GIMAP5: variants seen among roughly 807,000 people sequenced by gnomAD.
GIMAP5 encodes GTPase, IMAP family member 5.
In GIMAP5, 8 loss-of-function variants were observed where a neutral mutation model predicts 9.9. The observed-to-expected ratio is 0.81, with a 90% confidence interval of 0.47 to 1.45. GIMAP5 has a LOEUF of 1.45. GIMAP5 is among the 40% of genes most tolerant of loss of function. The pLI, the probability that GIMAP5 is intolerant of heterozygous loss-of-function variation, is 0.00. For synonymous variants in GIMAP5, 174 were observed against 151.4 expected (o/e 1.15, Z -1.09); for missense variants, 353 against 367.4 (o/e 0.96, Z 0.32).
At chr7:150,740,300 G>C (rs113558687) in intron 1 of GIMAP5, 1 of 152,350 alleles carries the variant, frequency 6.6e-6, no homozygotes, top group East Asian at 1.9e-4. Flanking sequence ...CGGTCATACC[G>C]GTCCCCCTAT....
rs1261447710 is a variant in GIMAP5 at position 150,737,579 on chromosome 7, G to A, written c.-136G>A. The A allele has an allele frequency of 1.3e-6, 2 of 1,535,622 alleles. No individual in the cohort carries two copies. The highest frequency in any genetic ancestry group is 2.4e-5 in the South Asian group (2 of 84,054). Reference sequence around the variant, plus strand: ...TCTGCTCAACCTCCCTCAGCCCTGTGAACAGCATCCCCGCACACAGACGCA... The same window carrying A: ...TCTGCTCAACCTCCCTCAGCCCTGTAAACAGCATCCCCGCACACAGACGCA... On this transcript the variant is annotated 5_prime_UTR_variant, in exon 1 of 3. The change abolishes the stop of an existing upstream ORF in the 5' untranslated region. Coordinates refer to ENST00000358647, the MANE Select transcript of GIMAP5 (RefSeq NM_018384.5).
In GIMAP5 at chr7:150,743,177, T is replaced by C; in HGVS notation, c.*114T>C. Reference sequence around the variant, plus strand: ...TATGGAGCATGCTGCTTGCTGTCTGTGCAGCTCCCATTTCCCCTTCTTCCT... The same window carrying C: ...TATGGAGCATGCTGCTTGCTGTCTGCGCAGCTCCCATTTCCCCTTCTTCCT... On this transcript the variant is annotated 3_prime_UTR_variant, in exon 3 of 3. Transcript: ENST00000358647. The C allele has an allele frequency of 5.3e-6, 7 of 1,328,078 alleles. No homozygotes were observed. The South Asian group carries it at 1.0e-4, about 20-fold the overall frequency. 82.3% of individuals were successfully genotyped at this position (1,328,078 alleles called of 1,614,324 possible). A position where few individuals can be genotyped will look rare whatever the true frequency, so the allele number is the denominator to read the frequency against.
rs776825281 is a variant in GIMAP5 at position 150,742,553 on chromosome 7, T to C, written c.414T>C (p.Phe138=). 1 of 1,614,140 alleles carries C rather than the reference T, an allele frequency of 6.2e-7. No homozygotes were observed. Among genetic ancestry groups the C allele is most frequent in the South Asian group, 1.1e-5 (1 of 91,076 alleles). ...CCATCAGGAAGGTGAAAGAGGTCTT[T>C]GGGACAGGGGCCATGAGACATGTGG... ...TVAIRKVKEV[F]GTGAMRHVVI... is the part of the protein sequence containing the mutation. The change falls in exon 3 of 3, where the codon TTT becomes TTC. Residue 138 remains phenylalanine, a synonymous_variant. Coordinates refer to ENST00000358647, the MANE Select transcript of GIMAP5 (RefSeq NM_018384.5).
intron 1 of GIMAP5, 169 bp downstream of exon 1, chr7:150,737,877 C>T (rs1797539569): frequency 3.2e-6 from 2 of 621,222 alleles, no homozygotes; most frequent in Non-Finnish European, 5.7e-6. Context: ...TCAGCAGGTG[C>T]ACAGCTGGTG....
rs756285302 is a variant in GIMAP5 at position 150,742,413 on chromosome 7, G to A, written c.274G>A (p.Asp92Asn). ...DTPSIFESQA[D>N]TQELYKNIGD... ...GCCCTCCATCTTTGAGTCACAGGCCGATACCCAAGAGCTGTACAAGAACAT... is the reference window on the plus strand; with the variant it reads ...GCCCTCCATCTTTGAGTCACAGGCCAATACCCAAGAGCTGTACAAGAACAT... Residue 92 changes from aspartate (D) to asparagine (N), a missense_variant, in exon 3 of 3, where the codon GAT (aspartate) becomes AAT (asparagine). By Grantham distance (23) the Asp-to-Asn change is conservative. Coordinates refer to ENST00000358647, the MANE Select transcript of GIMAP5 (RefSeq NM_018384.5). 1.4e-5 allele frequency: 23 copies of A among 1,614,036 alleles called. No individual in the cohort carries two copies. The highest frequency in any genetic ancestry group is 1.9e-5 in the Non-Finnish European group (23 of 1,180,004).
At position 150,742,974 on chromosome 7, in the gene GIMAP5, A is replaced by G. The variant is rs1306287683; in HGVS notation, c.835A>G (p.Met279Val). 1 of 1,614,172 alleles carries G rather than the reference A, an allele frequency of 6.2e-7. No homozygotes were observed. The highest frequency in any genetic ancestry group is 8.5e-7 in the Non-Finnish European group (1 of 1,180,004). The change falls in exon 3 of 3, where the codon ATG (methionine) becomes GTG (valine). Residue 279 changes from methionine (M) to valine (V), a missense_variant. Physicochemically the swap from Met to Val is conservative, Grantham distance 21. Coordinates refer to ENST00000358647, the MANE Select transcript of GIMAP5 (RefSeq NM_018384.5). ...GGCGCTCCTCAGAGTCAAACACTTG[A>G]TGCTTTTGCATTATGAGATTTTTGT... ...YKALLRVKHLMLLHYEIFVFL... is the reference protein window; with the variant it reads ...YKALLRVKHLVLLHYEIFVFL...
At position 150,743,252 on chromosome 7, in the gene GIMAP5, A is replaced by G. The variant is rs1797632344; in HGVS notation, c.*189A>G. 1.5e-6 allele frequency: 1 copy of G among 681,542 alleles called. No homozygotes were observed. Among genetic ancestry groups the G allele is most frequent in the East Asian group, 2.8e-5 (1 of 35,656 alleles). 42.2% of individuals were successfully genotyped at this position (681,542 alleles called of 1,614,324 possible). ...CACTCCAAGGCTGCCTGCCTGCTGT[A>G]AACACTATTCCACTCTGTCTGCCAA... On this transcript the variant is annotated 3_prime_UTR_variant, in exon 3 of 3. Coordinates refer to ENST00000358647, the MANE Select transcript of GIMAP5 (RefSeq NM_018384.5).
intron 2 of GIMAP5, among the ~76,000 whole-genome samples, 193 bp downstream of exon 2, chr7:150,741,120 T>C (rs1243313439): frequency 6.6e-6 from 1 of 152,048 alleles, no homozygotes; most frequent in East Asian, 1.9e-4. Flanking sequence ...CACCATAGTG[T>C]GATGCTCTCC....
rs1316554223 is a variant in GIMAP5 at position 150,743,103 on chromosome 7, G to A, written c.*40G>A. The A allele has an allele frequency of 1.3e-6, 2 of 1,560,562 alleles. No individual in the cohort carries two copies. The highest frequency in any genetic ancestry group is 1.7e-6 in the Non-Finnish European group (2 of 1,154,328). ...GAGCACTTCTAATGTATCACCCCATGGAGTCATTGTTCTAATAATCACCAA... is the reference window on the plus strand; with the variant it reads ...GAGCACTTCTAATGTATCACCCCATAGAGTCATTGTTCTAATAATCACCAA... On this transcript the variant is annotated 3_prime_UTR_variant, in exon 3 of 3. Coordinates refer to ENST00000358647, the MANE Select transcript of GIMAP5 (RefSeq NM_018384.5).
chr7:150,740,921 G>T lies in GIMAP5; in HGVS notation c.37G>T (p.Ala13Ser), dbSNP rs755961995. Residue 13 changes from alanine (A) to serine (S), a missense_variant, in exon 2 of 3, where the codon GCT (alanine) becomes TCT (serine). Ala to Ser is a moderately conservative substitution (Grantham distance 99, BLOSUM62 1). Coordinates refer to ENST00000358647, the MANE Select transcript of GIMAP5 (RefSeq NM_018384.5). ...CCAGAGGGGCAAATATGGAACTATG[G>T]CTGAAGGTAAGAAAGTCTTGAAGTT... Reference protein sequence around the residue: ...GFQRGKYGTMAEGRSEDNLSA... With the variant: ...GFQRGKYGTMSEGRSEDNLSA... 1 of 1,614,072 alleles carries T rather than the reference G, an allele frequency of 6.2e-7. No individual in the cohort carries two copies. Among genetic ancestry groups the T allele is most frequent in the Non-Finnish European group, 8.5e-7 (1 of 1,179,974 alleles).
In GIMAP5 at chr7:150,742,513, C is replaced by T. The variant is rs1358276636; in HGVS notation, c.374C>T (p.Ala125Val). Reference protein sequence around the residue: ...LLVIQLGRFTAQDTVAIRKVK... With the variant: ...LLVIQLGRFTVQDTVAIRKVK... Reference sequence around the variant, plus strand: ...GTGATCCAGCTGGGGCGTTTCACTGCTCAGGACACAGTGGCCATCAGGAAG... The same window carrying T: ...GTGATCCAGCTGGGGCGTTTCACTGTTCAGGACACAGTGGCCATCAGGAAG... Residue 125 changes from alanine to valine, a missense_variant, in exon 3 of 3, where the codon GCT becomes GTT. Coordinates refer to ENST00000358647, the MANE Select transcript of GIMAP5 (RefSeq NM_018384.5). 6.2e-7 allele frequency: 1 copy of T among 1,614,078 alleles called. No homozygotes were observed. Among genetic ancestry groups the T allele is most frequent in the Non-Finnish European group, 8.5e-7 (1 of 1,180,044 alleles).
Position 150,742,391 on chromosome 7 carries a change from C to G in GIMAP5, c.252C>G (p.Pro84=), listed in dbSNP as rs765075238. 27 of 1,613,984 alleles carry G rather than the reference C, an allele frequency of 1.7e-5. No individual in the cohort carries two copies. Among genetic ancestry groups the G allele is most frequent in the Admixed American group, 1.5e-4 (9 of 59,996 alleles). Residue 84 remains proline (P), a synonymous_variant, in exon 3 of 3, where the codon CCC becomes CCG. Transcript: ENST00000358647. ...GGAAAGTCCTGGTGGTTGACACGCC[C>G]TCCATCTTTGAGTCACAGGCCGATA... ...NGRKVLVVDT[P]SIFESQADTQ...
At position 150,742,849 on chromosome 7, in the gene GIMAP5, C is replaced by A. The variant is rs1309750936; in HGVS notation, c.710C>A (p.Ala237Asp). 6.2e-7 allele frequency: 1 copy of A among 1,614,080 alleles called. No homozygotes were observed. Among genetic ancestry groups the A allele is most frequent in the Non-Finnish European group, 8.5e-7 (1 of 1,180,010 alleles). The change falls in exon 3 of 3, where the codon GCC (alanine) becomes GAC (aspartate). Residue 237 changes from alanine to aspartate, a missense_variant. Ala to Asp is a moderately radical substitution (Grantham distance 126). Transcript: ENST00000358647. ...AQLLQRTGAG[A>D]CQEDYRQYQA... The stretch of plus-strand genomic sequence containing the variant: ...CTGCTCCAAAGAACTGGAGCTGGGG[C>A]CTGCCAGGAAGACTACAGGCAGTAC...
Position 150,742,164 on chromosome 7 carries a change from A to G in GIMAP5, c.44-19A>G. On this transcript the variant is annotated intron_variant, in intron 2 of 2. Transcript: ENST00000358647. The stretch of plus-strand genomic sequence containing the variant: ...AAGAATCATTAACTTAGTAAGATAC[A>G]AAACTTCGTTTTCTACAGGTAGATC... The G allele has an allele frequency of 3.7e-6, 6 of 1,606,178 alleles. No individual in the cohort carries two copies. Among genetic ancestry groups the G allele is most frequent in the Non-Finnish European group, 5.1e-6 (6 of 1,174,786 alleles).
chr7:150,738,040 G>A (rs1188913074), intron 1 of GIMAP5: 2 of 328,562 alleles, frequency 6.1e-6, no homozygotes, highest in East Asian at 1.4e-4. Context: ...GGGACAGATG[G>A]GAGAACTGAA....
chr7:150,742,925 G>A lies in GIMAP5; in HGVS notation c.786G>A (p.Glu262=), dbSNP rs893104714. The change falls in exon 3 of 3, where the codon GAG becomes GAA. Residue 262 remains glutamate (E), a synonymous_variant. Transcript: ENST00000358647. ...AGAAGCACAAGCAAGAGCTGAGGGA[G>A]AACGAGAGTAACTGGGCATACAAGG... is the stretch of plus-strand genomic sequence containing the variant. ...QVEKHKQELR[E]NESNWAYKAL... 2.2e-5 allele frequency: 35 copies of A among 1,614,220 alleles called. No individual in the cohort carries two copies. Among genetic ancestry groups the A allele is most frequent in the Non-Finnish European group, 2.8e-5 (33 of 1,180,042 alleles).
rs1298486358 is a variant in GIMAP5, at chr7:150,743,462, G to A, written c.*399G>A. 1.6e-5 allele frequency: 3 copies of A among 192,748 alleles called. No individual in the cohort carries two copies. The highest frequency in any genetic ancestry group is 3.3e-5 in the Non-Finnish European group (3 of 92,288). The allele number at this position is 192,748 out of a possible 1,614,324, so 11.9% of individuals were successfully genotyped here. On this transcript the variant is annotated 3_prime_UTR_variant, in exon 3 of 3. Transcript: ENST00000358647. ...TGCTGCCAACCTGAGATTGAAGGCA[G>A]TGCCTCAGAGCAGCACAGAGAGTTG... is the stretch of plus-strand genomic sequence containing the variant.
chr7:150,739,828 A>G (rs1345262832), intron 1 of GIMAP5: 1 of 152,244 alleles, frequency 6.6e-6, no homozygotes, highest in Admixed American at 6.5e-5. Flanking sequence ...CTTGACCTAA[A>G]GAAGGCCAAG....
rs1797581321 is a variant in GIMAP5 at position 150,740,680 on chromosome 7, T to C, written c.-6-199T>C. 38 of 545,260 alleles carry C rather than the reference T, an allele frequency of 7.0e-5. No homozygotes were observed. The South Asian group carries it at 9.0e-4, about 13-fold the overall frequency. 33.8% of individuals were successfully genotyped at this position (545,260 alleles called of 1,614,324 possible). On this transcript the variant is annotated intron_variant, in intron 1 of 2. Transcript: ENST00000358647. ...GAAGTAATCGTGCACTATTTTAGCA[T>C]AACCTAACATCTAACATCACCTGCT... is the stretch of plus-strand genomic sequence containing the variant.
Sources: allele counts gnomAD v4.1 joint callset (sites outside exome capture counted in the v4.1 genomes callset), GRCh38; gene constraint gnomAD v4.1.1; transcripts MANE v1.5; gene names NCBI Gene and HGNC (gene_info 2026-07-23, HGNC 2026-07-21).